Variants in CNTLN observed in about 807,000 individuals in gnomAD.
CNTLN encodes the protein centlein, centrosomal protein.
In CNTLN, 212 loss-of-function variants were observed where a neutral mutation model predicts 180.0. The ratio of observed to expected loss-of-function variants is 1.18; its 90% CI spans 1.05 to 1.32. The LOEUF is 1.32. Ranked by LOEUF, CNTLN falls within the 40% of genes most tolerant of loss-of-function variation. The pLI, the probability that CNTLN is intolerant of heterozygous loss-of-function variation, is 0.00. For missense variants in CNTLN, 2,095 were observed against 1,610.9 expected (o/e 1.30, Z -5.14); for synonymous variants, 722 against 563.1 (o/e 1.28, Z -3.99).
chr9:17,364,138 C>G (rs930041765), intron 12 of CNTLN, among the ~76,000 whole-genome samples: 2 of 152,098 alleles, frequency 1.3e-5, no homozygotes, highest in African/African-American at 4.8e-5. Flanking sequence ...CTCTTTAAGG[C>G]TATTAATTCA....
In CNTLN at chr9:17,357,325, A is replaced by G. The variant is rs187473188; in HGVS notation, c.1887-9292A>G. ...GTTGTATTCTAATTTGTATTTTGCT[A>G]TAAAGTCAACAGGATTCTTTGTATC... On this transcript the variant is annotated intron_variant, in intron 12 of 25. Coordinates refer to ENST00000380647, the MANE Select transcript of CNTLN (RefSeq NM_017738.4). Among the ~76,000 whole-genome samples the G allele has an allele frequency of 2.0e-3, 311 of 151,954 alleles. 1 individual carries two copies. The highest frequency in any genetic ancestry group is 7.2e-3 in the African/African-American group (300 of 41,532).
chr9:17,445,504 GCT>G (rs1830354246), intron 18 of CNTLN, among the ~76,000 whole-genome samples: 1 of 152,254 alleles, frequency 6.6e-6, no homozygotes, highest in East Asian at 1.9e-4. Context: ...CCAACCCCGT[GCT>G]CTCTGAAACA....
At chr9:17,461,235 C>T (rs1262264650) in intron 19 of CNTLN, among the ~76,000 whole-genome samples, 6 of 151,110 alleles carry the variant, frequency 4.0e-5, no homozygotes, top group South Asian at 4.2e-4. Context: ...CATGGGTGTC[C>T]GTATTTCTAA....
At chr9:17,247,005 G>A (rs547055769) in intron 5 of CNTLN, among the ~76,000 whole-genome samples, 3 of 152,272 alleles carry the variant, frequency 2.0e-5, no homozygotes, top group African/African-American at 7.2e-5. Flanking sequence ...TGGTGTCTAA[G>A]TTGCAAGACT....
rs370049520 is a variant in CNTLN at position 17,344,036 on chromosome 9, A to G, written c.1886+1592A>G. Among the ~76,000 whole-genome samples, 10 of 152,240 alleles carry G rather than the reference A, an allele frequency of 6.6e-5. No homozygotes were observed. The East Asian group carries it at 1.7e-3, about 26-fold the overall frequency. On this transcript the variant is annotated intron_variant, in intron 12 of 25. Transcript: ENST00000380647. ...TGCTTTTATCTGATGATCTTTAATG[A>G]CCCTTCTGTCTCTAAAAAAGAAAGT...
intron 8 of CNTLN, among the ~76,000 whole-genome samples, chr9:17,317,621 C>T (rs1358492487): frequency 6.6e-6 from 1 of 152,044 alleles, no homozygotes; most frequent in East Asian, 1.9e-4. Flanking sequence ...TGAGATGGAG[C>T]ATGATGGAGA....
At chr9:17,490,224 G>A (rs572330555) in intron 25 of CNTLN, among the ~76,000 whole-genome samples, 83 of 152,202 alleles carry the variant, frequency 5.5e-4, no homozygotes, top group South Asian at 2.9e-3. Flanking sequence ...GAGACTGGGA[G>A]CAAAAAGGTT....
chr9:17,444,813 A>G lies in CNTLN; in HGVS notation c.3115-12711A>G, dbSNP rs1830307480. On this transcript the variant is annotated intron_variant, in intron 18 of 25. Transcript: ENST00000380647. ...TGATAAACAGAAAACAATTCTGAAT[A>G]GAAAATGAAGGGAAGGCTGATGGTA... Among the ~76,000 whole-genome samples, 3 of 152,240 alleles carry G rather than the reference A, an allele frequency of 2.0e-5. No individual in the cohort carries two copies. The South Asian group carries it at 6.2e-4, about 32-fold the overall frequency.
intron 2 of CNTLN, among the ~76,000 whole-genome samples, chr9:17,213,099 T>G (rs1823455828): frequency 6.6e-6 from 1 of 152,210 alleles, no homozygotes; most frequent in African/African-American, 2.4e-5. Flanking sequence ...TTCTGCTAGC[T>G]TTTGAATGTG....
intron 18 of CNTLN, among the ~76,000 whole-genome samples, chr9:17,449,725 A>T (rs1830677916): frequency 1.3e-5 from 2 of 152,212 alleles, no homozygotes; most frequent in Admixed American, 1.3e-4. Flanking sequence ...AGTTTAAGTG[A>T]TGTGGTTCAA....
chr9:17,316,357 A>G (rs913292209), intron 8 of CNTLN, among the ~76,000 whole-genome samples: 8 of 152,066 alleles, frequency 5.3e-5, no homozygotes, highest in African/African-American at 1.9e-4. Flanking sequence ...TAGACACCAT[A>G]TAGTTGAATT....
At chr9:17,241,762 A>G (rs1328166825) in intron 5 of CNTLN, among the ~76,000 whole-genome samples, 2 of 151,672 alleles carry the variant, frequency 1.3e-5, no homozygotes, top group Non-Finnish European at 2.9e-5. Flanking sequence ...TATTGTAGAG[A>G]TCTTTAACTA....
At chr9:17,220,732 T>A (rs1238419782) in intron 2 of CNTLN, among the ~76,000 whole-genome samples, 1 of 152,184 alleles carries the variant, frequency 6.6e-6, no homozygotes, top group African/African-American at 2.4e-5. Context: ...TTTCTGAGGA[T>A]AATGACCTTC....
At chr9:17,468,671 ACT>A (rs1418111320) in intron 23 of CNTLN, among the ~76,000 whole-genome samples, 3 of 151,738 alleles carry the variant, frequency 2.0e-5, no homozygotes, top group Non-Finnish European at 3.0e-5. Flanking sequence ...TAATTTCATG[ACT>A]GTATATCTGA....
chr9:17,171,960 A>G (rs1353978536), intron 2 of CNTLN, among the ~76,000 whole-genome samples: 1 of 151,996 alleles, frequency 6.6e-6, no homozygotes, highest in East Asian at 1.9e-4. Context: ...CAGTGGCTTT[A>G]AGATCTGGGC....
chr9:17,401,844 C>A (rs1436096350), intron 15 of CNTLN, among the ~76,000 whole-genome samples: 1 of 151,450 alleles, frequency 6.6e-6, no homozygotes, highest in Non-Finnish European at 1.5e-5. Flanking sequence ...TATATAGTAA[C>A]AGATATATAA....
chr9:17,166,786 A>G (rs1463160050), intron 2 of CNTLN: 5 of 328,326 alleles, frequency 1.5e-5, no homozygotes, highest in East Asian at 1.2e-4. Context: ...TCTGTAACAC[A>G]TGGTCTCACA....
chr9:17,295,035 T>C (rs1298017534), intron 6 of CNTLN, among the ~76,000 whole-genome samples: 3 of 151,562 alleles, frequency 2.0e-5, no homozygotes, highest in African/African-American at 7.3e-5. Flanking sequence ...GGGCCAACAC[T>C]GCTGGGGGAC....
chr9:17,137,511 G>C (rs1355227431), intron 1 of CNTLN, among the ~76,000 whole-genome samples: 1 of 152,048 alleles, frequency 6.6e-6, no homozygotes, highest in Non-Finnish European at 1.5e-5. Flanking sequence ...TCTCAATCTA[G>C]TAAGTACACA....
Sources: allele counts gnomAD v4.1 joint callset (sites outside exome capture counted in the v4.1 genomes callset), GRCh38; gene constraint gnomAD v4.1.1; transcripts MANE v1.5; gene names NCBI Gene and HGNC (gene_info 2026-07-23, HGNC 2026-07-21).